The following RBFOX1 variants were observed in gnomAD, a reference collection of about 807,000 sequenced individuals.
RBFOX1 encodes the protein RNA binding fox-1 homolog 1, also known as RNA binding protein fox-1 homolog 1.
Under a neutral mutation model 57.7 loss-of-function variants are expected in RBFOX1, and 8 were observed. The ratio of observed to expected loss-of-function variants is 0.14; its 90% CI spans 0.08 to 0.25. RBFOX1 has a LOEUF of 0.25. Among genes scored for constraint, RBFOX1 ranks in the 10% least tolerant of loss-of-function variants. The pLI is 1.00. For missense variants in RBFOX1, 611 were observed against 548.5 expected, an observed-to-expected ratio of 1.11 and a Z score of -1.14; for synonymous variants, 326 against 222.4, an observed-to-expected ratio of 1.47 and a Z score of -4.15.
chr16:7,494,495 C>A (rs951116011), intron 4 of RBFOX1, among the ~76,000 whole-genome samples: 1 of 152,192 alleles, frequency 6.6e-6, no homozygotes, highest in Non-Finnish European at 1.5e-5. Flanking sequence ...ACCCCCTGCA[C>A]ACTGCCATCC....
chr16:6,850,973 C>A (rs575269871), intron 3 of RBFOX1, among the ~76,000 whole-genome samples: 7 of 152,224 alleles, frequency 4.6e-5, no homozygotes, highest in African/African-American at 1.4e-4. Context: ...TGTAAATAGC[C>A]CGTATGTTTT....
intron 3 of RBFOX1, among the ~76,000 whole-genome samples, chr16:5,848,974 C>CA (rs1243772606): frequency 6.6e-5 from 9 of 137,192 alleles, no homozygotes; most frequent in African/African-American, 2.0e-4. Flanking sequence ...AAAAAAACAA[C>CA]AACAAAAAAA....
intron 1 of RBFOX1, among the ~76,000 whole-genome samples, chr16:5,392,445 A>G (rs553857535): frequency 6.6e-6 from 1 of 152,170 alleles, no homozygotes; most frequent in South Asian, 2.1e-4. Context: ...TAGGCAGTGT[A>G]AAATTCTAAA....
At chr16:5,864,157 T>A (rs1455383372) in intron 3 of RBFOX1, among the ~76,000 whole-genome samples, 1 of 152,220 alleles carries the variant, frequency 6.6e-6, no homozygotes, top group Non-Finnish European at 1.5e-5. Context: ...ATGCAGTATT[T>A]GGTTTTCTGT....
At chr16:7,500,085 A>G (rs1349393931) in intron 4 of RBFOX1, among the ~76,000 whole-genome samples, 3 of 152,120 alleles carry the variant, frequency 2.0e-5, no homozygotes, top group Non-Finnish European at 4.4e-5. Context: ...TCAGCATTCA[A>G]TCAGGCAGAC....
At chr16:7,019,074 G>A (rs1438870566) in intron 3 of RBFOX1, among the ~76,000 whole-genome samples, 4 of 152,156 alleles carry the variant, frequency 2.6e-5, no homozygotes, top group African/African-American at 9.7e-5. Flanking sequence ...GTGTGTGTGT[G>A]TGAGTGTGTG....
intron 1 of RBFOX1, among the ~76,000 whole-genome samples, chr16:6,281,739 G>A (rs928751155): frequency 1.3e-5 from 2 of 152,138 alleles, no homozygotes; most frequent in Admixed American, 1.3e-4. Context: ...TTTGCTGAGT[G>A]CTGTGGATAA....
chr16:6,799,693 A>C lies in RBFOX1; in HGVS notation c.-16+145043A>C, dbSNP rs138521307. Among the ~76,000 whole-genome samples the C allele has an allele frequency of 9.4e-4, 143 of 152,190 alleles. 1 individual carries two copies. The East Asian group carries it at 0.015, about 16-fold the overall frequency. On this transcript the variant is annotated intron_variant, in intron 3 of 15. Transcript: ENST00000550418. ...GAAGGTGGGATGAGCTAGTTTGCTGAGTCTTCCACCTTTCGTCTTTCTCCT... is the reference window on the plus strand; with the variant it reads ...GAAGGTGGGATGAGCTAGTTTGCTGCGTCTTCCACCTTTCGTCTTTCTCCT...
intron 4 of RBFOX1, among the ~76,000 whole-genome samples, chr16:7,054,213 C>CGGGGG (rs71147642): frequency 1.6e-3 from 29 of 17,818 alleles, no homozygotes; most frequent in African/African-American, 0.011. Flanking sequence ...TTTTTTTTTT[C>CGGGGG]GGGGGGGGGG....
chr16:7,235,908 C>G (rs1454187332), intron 4 of RBFOX1, among the ~76,000 whole-genome samples: 1 of 152,138 alleles, frequency 6.6e-6, no homozygotes, highest in African/African-American at 2.4e-5. Context: ...TCTCCTTGCC[C>G]TCCTGTGAAT....
chr16:6,779,789 ATATATACTTT>A (rs1567208266), intron 3 of RBFOX1, among the ~76,000 whole-genome samples: 6 of 6,764 alleles, frequency 8.9e-4, no homozygotes, highest in African/African-American at 5.4e-3. Flanking sequence ...ATATATTTTT[ATATATACTTT>A]TATATATTTA....
At chr16:7,296,145 A>T (rs1188649274) in intron 4 of RBFOX1, among the ~76,000 whole-genome samples, 1 of 151,490 alleles carries the variant, frequency 6.6e-6, no homozygotes, top group Non-Finnish European at 1.5e-5. Context: ...CTGTAATGAC[A>T]TTTTCGACAG....
intron 3 of RBFOX1, among the ~76,000 whole-genome samples, chr16:7,000,647 C>A (rs1448621067): frequency 7.4e-6 from 1 of 135,026 alleles, no homozygotes; most frequent in African/African-American, 2.8e-5. Context: ...CTCTGTCGCC[C>A]AGGCTGGAGT....
chr16:7,622,742 T>G (rs966763078), intron 10 of RBFOX1, among the ~76,000 whole-genome samples: 1 of 152,138 alleles, frequency 6.6e-6, no homozygotes, highest in Non-Finnish European at 1.5e-5. Context: ...CTTGGTACAA[T>G]TAAAACATGA....
At chr16:5,954,325 C>G (rs1241269713) in intron 4 of RBFOX1, among the ~76,000 whole-genome samples, 1 of 152,094 alleles carries the variant, frequency 6.6e-6, no homozygotes, top group South Asian at 2.1e-4. Context: ...CTGTCTAACT[C>G]AGGCCGGGTG....
At chr16:6,058,317 C>T (rs1440573133) in intron 1 of RBFOX1, among the ~76,000 whole-genome samples, 2 of 151,194 alleles carry the variant, frequency 1.3e-5, no homozygotes, top group Non-Finnish European at 3.0e-5. Flanking sequence ...CTTCTTCCTC[C>T]CTCCTCTCCT....
intron 3 of RBFOX1, among the ~76,000 whole-genome samples, chr16:6,813,765 T>C (rs2089368420): frequency 6.6e-6 from 1 of 152,160 alleles, no homozygotes; most frequent in South Asian, 2.1e-4. Flanking sequence ...GGCATGCCAA[T>C]GGCAGCAGGC....
chr16:5,720,596 C>T (rs1159472644), intron 3 of RBFOX1, among the ~76,000 whole-genome samples: 2 of 152,100 alleles, frequency 1.3e-5, no homozygotes, highest in Admixed American at 6.5e-5. Context: ...TGATCCATTT[C>T]GAGTTCATTT....
At chr16:5,594,396 T>A (rs920686594) in intron 2 of RBFOX1, among the ~76,000 whole-genome samples, 1 of 152,192 alleles carries the variant, frequency 6.6e-6, no homozygotes, top group African/African-American at 2.4e-5. Context: ...TTTCCAGGGT[T>A]GAGGACACAG....
Sources: gnomAD v4.1 joint callset for allele counts (sites outside exome capture counted in the v4.1 genomes callset) on GRCh38, gnomAD v4.1.1 for gene constraint, MANE v1.5 for transcripts, NCBI Gene and HGNC (gene_info 2026-07-23, HGNC 2026-07-21) for gene names.